Variants in PLCH2 observed in about 807,000 individuals in gnomAD.
PLCH2 encodes phospholipase C eta 2.
In PLCH2, 98 loss-of-function variants were observed where a neutral mutation model predicts 134.7. That is an observed-to-expected ratio of 0.73 (90% CI 0.62 to 0.86). PLCH2 has a LOEUF of 0.86. Ranked by LOEUF, PLCH2 falls within the 40% of genes least tolerant of loss-of-function variation. The pLI, the probability that PLCH2 is intolerant of heterozygous loss-of-function variation, is 0.00. For missense variants in PLCH2, 1,994 were observed against 1,986.6 expected (o/e 1.00, Z -0.07); for synonymous variants, 974 against 827.5 (o/e 1.18, Z -3.04).
intron 11 of PLCH2, among the ~76,000 whole-genome samples, chr1:2,491,902 A>G (rs773005263): frequency 9.3e-5 from 14 of 151,154 alleles, no homozygotes; most frequent in Non-Finnish European, 1.9e-4. Context: ...TGGTGCACAG[A>G]GCCTCCTTGC....
Position 2,498,873 on chromosome 1 carries a change from AG to A in PLCH2, c.2434+51del, listed in dbSNP as rs1643049697. The A allele has an allele frequency of 3.3e-6, 5 of 1,497,464 alleles. No homozygotes were observed. The highest frequency in any genetic ancestry group is 4.6e-6 in the Non-Finnish European group (5 of 1,086,568). The allele number at this position is 1,497,464 out of a possible 1,614,324, so 92.8% of individuals were successfully genotyped here. Reference sequence around the variant, plus strand: ...CCGTCACACCTGTGATGGAAGTCTGAGGGGGGAGGGTTGGGGCTACCTGGTG... The same window carrying A: ...CCGTCACACCTGTGATGGAAGTCTGAGGGGGAGGGTTGGGGCTACCTGGTG... On this transcript the variant is annotated intron_variant, in intron 18 of 21. Transcript: ENST00000378486. The surrounding 1 kb of genome is among the most constrained non-coding windows in gnomAD (Gnocchi z 5.4).
Position 2,494,914 on chromosome 1 carries a change from G to A in PLCH2, c.1718G>A (p.Gly573Asp), listed in dbSNP as rs1328374767. 1 of 1,603,422 alleles carries A rather than the reference G, an allele frequency of 6.2e-7. No individual in the cohort carries two copies. Among genetic ancestry groups the A allele is most frequent in the Middle Eastern group, 1.7e-4 (1 of 6,048 alleles). ...GEDAGASRRN[G>D]RLVVGSFSRR... Reference sequence around the variant, plus strand: ...GATGCCGGGGCCAGCAGACGCAATGGCCGCCTCGTCGTGGGAAGCTTCTCC... The same window carrying A: ...GATGCCGGGGCCAGCAGACGCAATGACCGCCTCGTCGTGGGAAGCTTCTCC... Residue 573 changes from glycine (G) to aspartate (D), a missense_variant, in exon 12 of 22, where the codon GGC becomes GAC. This residue lies in a region of PLCH2 where 1,094 missense variants were observed against 1,234.3 expected (regional missense o/e 0.89). Coordinates refer to ENST00000378486, the MANE Select transcript of PLCH2 (RefSeq NM_014638.4).
upstream of PLCH2, chr1:2,467,407 C>T: frequency 2.6e-6 from 1 of 386,254 alleles, no homozygotes; most frequent in Non-Finnish European, 4.6e-6. Context: ...ACGGGAGGGG[C>T]GGTCCCAGCG....
chr1:2,439,498 G>A lies in PLCH2; in HGVS notation c.115+8869G>A, dbSNP rs972798853. On this transcript the variant is annotated intron_variant, in intron 2 of 3. Coordinates refer to the PLCH2 transcript ENST00000609981. This position sits in a 1 kb window ranked among gnomAD's most constrained non-coding sequence, Gnocchi z 4.7. ...CGGGACGTCTTCAGACCAGATGCTG[G>A]TGGAAAATGAAACACACACTTTCTA... 6.6e-6 allele frequency among the ~76,000 whole-genome samples: 1 copy of A among 152,260 alleles called. No homozygotes were observed. Among genetic ancestry groups the A allele is most frequent in the Non-Finnish European group, 1.5e-5 (1 of 68,048 alleles).
At chr1:2,449,726 T>C (rs1570293747) in intron 2 of PLCH2, among the ~76,000 whole-genome samples, 1 of 152,250 alleles carries the variant, frequency 6.6e-6, no homozygotes, top group Non-Finnish European at 1.5e-5. Context: ...CCTTGGGCAA[T>C]GGACTCACTG....
At chr1:2,478,006 C>T (rs1255022910) in intron 1 of PLCH2, among the ~76,000 whole-genome samples, 1 of 152,216 alleles carries the variant, frequency 6.6e-6, no homozygotes, top group African/African-American at 2.4e-5. Flanking sequence ...ACTATGGCCC[C>T]AGACAGCCAG....
At chr1:2,479,262 G>A (rs1641814463) in intron 2 of PLCH2, 1 of 167,854 alleles carries the variant, frequency 6.0e-6, no homozygotes, top group Non-Finnish European at 1.3e-5. Flanking sequence ...TGGGCCCGTG[G>A]AGAGAGTCGC....
intron 4 of PLCH2, among the ~76,000 whole-genome samples, chr1:2,483,084 G>C (rs543372610): frequency 3.9e-5 from 6 of 152,334 alleles, no homozygotes; most frequent in South Asian, 4.1e-4. Flanking sequence ...CCCAAATCAC[G>C]AAGCCTCTAG....
upstream of PLCH2, among the ~76,000 whole-genome samples, chr1:2,466,214 C>T (rs1170420215): frequency 5.3e-5 from 8 of 152,108 alleles, no homozygotes; most frequent in African/African-American, 1.4e-4. Flanking sequence ...GGGAGGGGGC[C>T]GCCCCTCCCT....
chr1:2,490,426 G>C (rs925650069), intron 10 of PLCH2, among the ~76,000 whole-genome samples: 25 of 152,284 alleles, frequency 1.6e-4, no homozygotes, highest in African/African-American at 5.8e-4. Flanking sequence ...CCCCGCCAGG[G>C]CCAGGGTGGG....
chr1:2,482,030 G>T (rs1641998091), intron 4 of PLCH2, among the ~76,000 whole-genome samples: 1 of 152,260 alleles, frequency 6.6e-6, no homozygotes, highest in Non-Finnish European at 1.5e-5. Flanking sequence ...GAAGTGGGCT[G>T]GACCCAGTGG....
chr1:2,485,904 G>T (rs1642259322), intron 5 of PLCH2, among the ~76,000 whole-genome samples: 1 of 152,178 alleles, frequency 6.6e-6, no homozygotes, highest in African/African-American at 2.4e-5. Flanking sequence ...GAGCTCCCGG[G>T]ATGCCCCCAC....
Position 2,480,029 on chromosome 1 carries a change from C to G in PLCH2, c.515+52C>G, listed in dbSNP as rs892433841. The G allele has an allele frequency of 2.5e-5, 39 of 1,585,840 alleles. No individual in the cohort carries two copies. In the African/African-American group the frequency reaches 4.4e-4, roughly 18 times the overall value. On this transcript the variant is annotated intron_variant, in intron 3 of 21. Coordinates refer to ENST00000378486, the MANE Select transcript of PLCH2 (RefSeq NM_014638.4). ...GCAGACCCAGGGACCGGCCCCTTGG[C>G]TGCTCACCCTGGGGGGGCCTGTCCT...
intron 2 of PLCH2, among the ~76,000 whole-genome samples, chr1:2,433,448 C>G (rs1639166177): frequency 6.6e-6 from 1 of 151,962 alleles, no homozygotes; most frequent in Non-Finnish European, 1.5e-5. Context: ...GAGGCTGTGG[C>G]TCTTGGGGTT....
At chr1:2,459,318 G>A (rs1640654839) in intron 2 of PLCH2, among the ~76,000 whole-genome samples, 1 of 152,104 alleles carries the variant, frequency 6.6e-6, no homozygotes, top group Non-Finnish European at 1.5e-5. Context: ...CCTTCCTGGT[G>A]GTCCTCCTTC....
intron 19 of PLCH2, among the ~76,000 whole-genome samples, 159 bp downstream of exon 19, chr1:2,499,389 G>A (rs1304220075): frequency 6.6e-6 from 1 of 152,186 alleles, no homozygotes; most frequent in African/African-American, 2.4e-5. Flanking sequence ...CTGGGGATCT[G>A]CGGGTCAGGC....
rs946507140 is a variant in PLCH2, at chr1:2,497,441, G to A, written c.2117-61G>A. ...GGAGGCTAGCGTGTGGTGGTGGGTG[G>A]GCGGGGCACACACCTGGAAGGTCAG... On this transcript the variant is annotated intron_variant, in intron 15 of 21. Coordinates refer to ENST00000378486, the MANE Select transcript of PLCH2 (RefSeq NM_014638.4). 11 of 1,202,224 alleles carry A rather than the reference G, an allele frequency of 9.1e-6. No homozygotes were observed. The Admixed American group carries it at 2.3e-4, about 25-fold the overall frequency. 74.5% of individuals were successfully genotyped at this position (1,202,224 alleles called of 1,614,324 possible). A position where few individuals can be genotyped will look rare whatever the true frequency, so the allele number is the denominator to read the frequency against.
Position 2,457,506 on chromosome 1 carries a change from C to T in PLCH2, c.116-20970C>T, listed in dbSNP as rs562838877. Reference sequence around the variant, plus strand: ...ATGTCTCCTGGCCTTCCTCCCGGGACGCTCCTTGGGTTCTGAGATCTGCTG... The same window carrying T: ...ATGTCTCCTGGCCTTCCTCCCGGGATGCTCCTTGGGTTCTGAGATCTGCTG... On this transcript the variant is annotated intron_variant, in intron 2 of 3. Transcript: ENST00000609981. 5.3e-4 allele frequency among the ~76,000 whole-genome samples: 80 copies of T among 152,306 alleles called. 1 individual carries two copies. The highest frequency in any genetic ancestry group is 1.7e-3 in the African/African-American group (70 of 41,572).
At position 2,499,682 on chromosome 1, in the gene PLCH2, A is replaced by G; in HGVS notation, c.2623A>G (p.Ile875Val). 1.3e-6 allele frequency: 2 copies of G among 1,599,424 alleles called. No homozygotes were observed. Among genetic ancestry groups the G allele is most frequent in the Non-Finnish European group, 1.7e-6 (2 of 1,173,590 alleles). ...VYLEGMEEAS[I>V]FVHVAVSDIS... ...CCTAGAAGGGATGGAAGAGGCCTCCATCTTCGTGCATGTGGCTGTCAGTGA... is the reference window on the plus strand; with the variant it reads ...CCTAGAAGGGATGGAAGAGGCCTCCGTCTTCGTGCATGTGGCTGTCAGTGA... The change falls in exon 20 of 22, where the codon ATC (isoleucine) becomes GTC (valine). Residue 875 changes from isoleucine (I) to valine (V), a missense_variant. This residue lies in a region of PLCH2 where 1,094 missense variants were observed against 1,234.3 expected (regional missense o/e 0.89). Coordinates refer to ENST00000378486, the MANE Select transcript of PLCH2 (RefSeq NM_014638.4).
Sources: allele counts gnomAD v4.1 joint callset (sites outside exome capture counted in the v4.1 genomes callset), GRCh38; gene constraint gnomAD v4.1.1; regional missense constraint gnomAD v4.1.1; non-coding constraint Gnocchi (gnomAD v3.1); transcripts MANE v1.5; gene names NCBI Gene and HGNC (gene_info 2026-07-23, HGNC 2026-07-21).